MALRD1: variants seen among roughly 807,000 people sequenced by gnomAD.
MALRD1 encodes MAM and LDL receptor class A domain containing 1, also known as MAM and LDL-receptor class A domain-containing protein 1.
Under a neutral mutation model 242.1 loss-of-function variants are expected in MALRD1, and 247 were observed. The observed-to-expected ratio is 1.02, with a 90% confidence interval of 0.92 to 1.13. The LOEUF (loss-of-function observed/expected upper bound fraction) is 1.13, where lower values mean the gene tolerates loss of function less well. Ranked by LOEUF, MALRD1 falls within the 50% of genes most tolerant of loss-of-function variation. The pLI, the probability that MALRD1 is intolerant of heterozygous loss-of-function variation, is 0.00. For synonymous variants in MALRD1, 995 were observed against 866.6 expected (o/e 1.15, Z -2.60); for missense variants, 2,989 against 2,533.1 (o/e 1.18, Z -3.86).
At chr10:19,062,631 A>G (rs576517289) in intron 1 of MALRD1, among the ~76,000 whole-genome samples, 1 of 152,342 alleles carries the variant, frequency 6.6e-6, no homozygotes, top group East Asian at 1.9e-4. Flanking sequence ...TCACATACAC[A>G]CAGAAAAACA....
intron 33 of MALRD1, among the ~76,000 whole-genome samples, chr10:19,581,222 T>C (rs982087120): frequency 6.6e-6 from 1 of 151,886 alleles, no homozygotes; most frequent in African/African-American, 2.4e-5. Flanking sequence ...TATTTATTTA[T>C]TTATTTATTA....
At chr10:19,615,775 T>G in intron 35 of MALRD1, 82 bp from the exon 36 acceptor site, 1 of 1,101,620 alleles carries the variant, frequency 9.1e-7, no homozygotes, top group Non-Finnish European at 1.3e-6. Context: ...TTAGATTTAA[T>G]GTAATGACAA....
At chr10:19,081,007 GA>G (rs769937321) in intron 2 of MALRD1, among the ~76,000 whole-genome samples, 2 of 151,882 alleles carry the variant, frequency 1.3e-5, no homozygotes, top group East Asian at 1.9e-4. Context: ...ACAAACATAT[GA>G]AAAAAACCTC....
At chr10:19,237,777 A>G (rs1256538682) in intron 18 of MALRD1, among the ~76,000 whole-genome samples, 1 of 117,222 alleles carries the variant, frequency 8.5e-6, no homozygotes, top group Non-Finnish European at 1.6e-5. Context: ...ATAAAAACAT[A>G]ATTATTTATA....
At chr10:19,338,131 G>T (rs1302453900) in intron 24 of MALRD1, among the ~76,000 whole-genome samples, 4 of 151,126 alleles carry the variant, frequency 2.6e-5, no homozygotes, top group South Asian at 4.2e-4. Flanking sequence ...CCCCATACAA[G>T]AGTGGTACAT....
chr10:19,107,310 G>A (rs986978772), intron 5 of MALRD1, among the ~76,000 whole-genome samples: 3 of 151,864 alleles, frequency 2.0e-5, no homozygotes, highest in Admixed American at 6.6e-5. Context: ...GGGAGGTCTA[G>A]TTTTGGGTGA....
chr10:19,146,828 T>TA (rs1345041303), intron 11 of MALRD1, among the ~76,000 whole-genome samples: 3 of 152,198 alleles, frequency 2.0e-5, no homozygotes, highest in Non-Finnish European at 4.4e-5. Flanking sequence ...CACATATATA[T>TA]TTTTAACCAT....
At chr10:19,099,067 G>A (rs963936242) in intron 4 of MALRD1, among the ~76,000 whole-genome samples, 1 of 152,088 alleles carries the variant, frequency 6.6e-6, no homozygotes. Flanking sequence ...CATGTTGCCC[G>A]TTTCTTTACT....
rs568348354 is a variant in MALRD1, at chr10:19,463,784, C to G, written c.5029+13294C>G. 8.5e-5 allele frequency among the ~76,000 whole-genome samples: 13 copies of G among 152,180 alleles called. No individual in the cohort carries two copies. In the South Asian group the frequency reaches 2.3e-3, roughly 27 times the overall value. ...ATTTCTACTCTTGGTTCTTTAAGGA[C>G]TATTCACACTGTTTTCCATAGTGGT... On this transcript the variant is annotated intron_variant, in intron 29 of 39. Coordinates refer to ENST00000454679, the MANE Select transcript of MALRD1 (RefSeq NM_001142308.3).
Position 19,282,082 on chromosome 10 carries a change from G to T in MALRD1, c.3257-937G>T, listed in dbSNP as rs1227858380. 2.0e-5 allele frequency among the ~76,000 whole-genome samples: 3 copies of T among 150,622 alleles called. No individual in the cohort carries two copies. In the East Asian group the frequency reaches 5.9e-4, roughly 30 times the overall value. ...TGTAATATTGTACAGCAGATCCCTAGAACCTATTCATCTTGCTTGACATGT... is the reference window on the plus strand; with the variant it reads ...TGTAATATTGTACAGCAGATCCCTATAACCTATTCATCTTGCTTGACATGT... On this transcript the variant is annotated intron_variant, in intron 20 of 39. Coordinates refer to ENST00000454679, the MANE Select transcript of MALRD1 (RefSeq NM_001142308.3).
intron 38 of MALRD1, among the ~76,000 whole-genome samples, chr10:19,701,223 A>G (rs1833613387): frequency 6.6e-6 from 1 of 152,166 alleles, no homozygotes; most frequent in African/African-American, 2.4e-5. Context: ...AGACCAGCCT[A>G]GCAGATGGCT....
At chr10:19,134,108 T>G (rs1365499281) in intron 9 of MALRD1, among the ~76,000 whole-genome samples, 160 bp downstream of exon 9, 1 of 152,188 alleles carries the variant, frequency 6.6e-6, no homozygotes, top group Non-Finnish European at 1.5e-5. Flanking sequence ...AAATTGTACC[T>G]TTTCCTTCTG....
At chr10:19,295,749 C>T (rs11813166) in intron 21 of MALRD1, among the ~76,000 whole-genome samples, 2,225 of 152,192 alleles carry the variant, frequency 0.015, 55 homozygotes, top group African/African-American at 0.051. Flanking sequence ...AACACTGTAG[C>T]CCTAGTACCT....
chr10:19,388,295 G>A (rs1846173357), intron 27 of MALRD1, among the ~76,000 whole-genome samples: 1 of 152,070 alleles, frequency 6.6e-6, no homozygotes, highest in Non-Finnish European at 1.5e-5. Context: ...ATAAGAACTG[G>A]GGTTAGAACT....
chr10:19,130,863 A>C (rs1435397382), intron 8 of MALRD1, among the ~76,000 whole-genome samples: 1 of 152,162 alleles, frequency 6.6e-6, no homozygotes, highest in Admixed American at 6.5e-5. Flanking sequence ...ATCATATAAA[A>C]ATGACGTTAG....
chr10:19,665,504 C>A (rs535462970), intron 36 of MALRD1, among the ~76,000 whole-genome samples: 1 of 152,104 alleles, frequency 6.6e-6, no homozygotes, highest in Non-Finnish European at 1.5e-5. Flanking sequence ...AGAGTTCATT[C>A]TCTGTGGTTT....
intron 38 of MALRD1, among the ~76,000 whole-genome samples, chr10:19,694,776 C>G (rs949363716): frequency 7.2e-5 from 11 of 152,086 alleles, no homozygotes; most frequent in Non-Finnish European, 4.4e-5. Context: ...TGCACATGTA[C>G]GTTTATTGCG....
At chr10:19,087,688 A>G in intron 2 of MALRD1, among the ~76,000 whole-genome samples, 152 bp from the exon 3 acceptor site, 1 of 151,998 alleles carries the variant, frequency 6.6e-6, no homozygotes. Context: ...TTGATCTTTT[A>G]TGTTACAAAC....
In MALRD1 at chr10:19,324,041, C is replaced by T. The variant is rs751313037; in HGVS notation, c.3512C>T (p.Thr1171Met). Residue 1171 changes from threonine (T) to methionine (M), a missense_variant, in exon 22 of 40, where the codon ACG (threonine) becomes ATG (methionine). Thr to Met is a moderately conservative substitution (Grantham distance 81). Transcript: ENST00000454679. ...ADILTPIISL[T>M]GPKCTLVFWT... ...ATTCTCACTCCTATCATTTCACTCA[C>T]GGGACCAAAATGTACCTTGGTGTTC... 31 of 1,550,574 alleles carry T rather than the reference C, an allele frequency of 2.0e-5. No homozygotes were observed. The highest frequency in any genetic ancestry group is 1.2e-4 in the Admixed American group (6 of 50,966).
Sources: gnomAD v4.1 joint callset for allele counts (sites outside exome capture counted in the v4.1 genomes callset) on GRCh38, gnomAD v4.1.1 for gene constraint, MANE v1.5 for transcripts, NCBI Gene and HGNC (gene_info 2026-07-23, HGNC 2026-07-21) for gene names.